Variants in MAGI2 observed in about 807,000 individuals in gnomAD.
MAGI2 encodes membrane associated guanylate kinase, WW and PDZ domain containing 2.
Under a neutral mutation model 133.3 loss-of-function variants are expected in MAGI2, and 35 were observed. The ratio of observed to expected loss-of-function variants is 0.26; its 90% CI spans 0.20 to 0.35. The LOEUF is 0.35. Ranked by LOEUF, MAGI2 falls within the 10% of genes least tolerant of loss-of-function variation. MAGI2 has a pLI of 1.00. For missense variants in MAGI2, 1,636 were observed against 1,863.4 expected, an observed-to-expected ratio of 0.88 and a Z score of 2.25; for synonymous variants, 729 against 710.6, an observed-to-expected ratio of 1.03 and a Z score of -0.41.
rs1584936902 is a variant in MAGI2, at chr7:78,341,486, A to G, written c.1408+2292T>C. Reference sequence around the variant, plus strand: ...TAAACTTTATATGGAACCAAAAAAGAGCCCACATTGCTAAGACAATCCTAA... The same window carrying G: ...TAAACTTTATATGGAACCAAAAAAGGGCCCACATTGCTAAGACAATCCTAA... On this transcript the variant is annotated intron_variant, in intron 9 of 21. Transcript: ENST00000354212. Among the ~76,000 whole-genome samples the G allele has an allele frequency of 2.0e-5, 3 of 152,230 alleles. No homozygotes were observed. In the South Asian group the frequency reaches 6.2e-4, roughly 31 times the overall value.
At chr7:78,379,140 T>TA (rs1330282614) in intron 6 of MAGI2, among the ~76,000 whole-genome samples, 4 of 151,184 alleles carry the variant, frequency 2.6e-5, no homozygotes, top group Non-Finnish European at 5.9e-5. Context: ...CAGAAATAAA[T>TA]AAAAAAGAAT....
intron 6 of MAGI2, among the ~76,000 whole-genome samples, chr7:78,430,140 T>G (rs1584072660): frequency 6.6e-6 from 1 of 152,088 alleles, no homozygotes. Context: ...CCTGAGATTC[T>G]GCATTTTTAA....
intron 20 of MAGI2, among the ~76,000 whole-genome samples, chr7:78,100,754 A>C (rs1818140191): frequency 6.6e-6 from 1 of 152,222 alleles, no homozygotes; most frequent in Non-Finnish European, 1.5e-5. Flanking sequence ...GAAAGGAAGA[A>C]GTAAAATTGT....
intron 3 of MAGI2, among the ~76,000 whole-genome samples, chr7:78,540,551 A>G (rs1584554173): frequency 6.6e-6 from 1 of 152,042 alleles, no homozygotes; most frequent in African/African-American, 2.4e-5. Flanking sequence ...GCCCCTCCCC[A>G]CCTGCCATGA....
intron 14 of MAGI2, among the ~76,000 whole-genome samples, chr7:78,176,884 T>C (rs1191706951): frequency 7.2e-6 from 1 of 137,998 alleles, no homozygotes. Flanking sequence ...GTAGTACATA[T>C]AGTATATTTA....
intron 21 of MAGI2, among the ~76,000 whole-genome samples, chr7:78,021,673 A>ATGT (rs1309416116): frequency 6.6e-6 from 1 of 152,214 alleles, no homozygotes; most frequent in Non-Finnish European, 1.5e-5. Context: ...TTTGGGCATA[A>ATGT]TGTTAACCTT....
rs1022161399 is a variant in MAGI2, at chr7:78,651,227, G to A, written c.419-23988C>T. 4.6e-5 allele frequency among the ~76,000 whole-genome samples: 7 copies of A among 152,084 alleles called. No homozygotes were observed. In the East Asian group the frequency reaches 5.8e-4, roughly 13 times the overall value. ...AATACAGACCCTCCAGCCTCTTGGT[G>A]AACACTTTAAGTTGCTTTCTGATAA... On this transcript the variant is annotated intron_variant, in intron 2 of 21. Coordinates refer to ENST00000354212, the MANE Select transcript of MAGI2 (RefSeq NM_012301.4).
intron 1 of MAGI2, among the ~76,000 whole-genome samples, chr7:79,232,040 A>G (rs1035743543): frequency 6.6e-6 from 1 of 152,174 alleles, no homozygotes; most frequent in South Asian, 2.1e-4. Flanking sequence ...TTCTGCATCT[A>G]TTGAGATAAT....
intron 1 of MAGI2, among the ~76,000 whole-genome samples, chr7:79,228,354 C>CATAAAAAAAAAAAAAAAAAAAAAAA (rs1831046447): frequency 3.2e-5 from 1 of 31,438 alleles, no homozygotes; most frequent in Non-Finnish European, 7.9e-5. Flanking sequence ...AAAAAACAGG[C>CATAAAAAAAAAAAAAAAAAAAAAAA]AAAAAAAAAA....
chr7:78,763,956 C>G (rs1047480664), intron 2 of MAGI2, among the ~76,000 whole-genome samples: 8 of 152,122 alleles, frequency 5.3e-5, no homozygotes, highest in African/African-American at 1.9e-4. Flanking sequence ...GGGTTCTCAA[C>G]AGAGAACCTT....
At chr7:78,584,421 G>GAAA (rs57844382) in intron 3 of MAGI2, among the ~76,000 whole-genome samples, 7 of 83,936 alleles carry the variant, frequency 8.3e-5, no homozygotes, top group Admixed American at 1.4e-4. Flanking sequence ...CTCCGTCTCA[G>GAAA]AAAAAAAAAA....
intron 9 of MAGI2, among the ~76,000 whole-genome samples, chr7:78,330,615 C>CA (rs4024122): frequency 0.18 from 1,267 of 6,924 alleles, 444 homozygotes; most frequent in Admixed American, 0.26. Context: ...GACTCCGTCT[C>CA]AAAAAAAAAA....
intron 1 of MAGI2, among the ~76,000 whole-genome samples, chr7:79,323,451 A>G (rs1839355415): frequency 6.6e-6 from 1 of 152,120 alleles, no homozygotes; most frequent in East Asian, 1.9e-4. Flanking sequence ...GCGAGGGCAG[A>G]GTGTTCTAGT....
chr7:79,433,300 C>T (rs1847903058), intron 1 of MAGI2, among the ~76,000 whole-genome samples: 1 of 151,964 alleles, frequency 6.6e-6, no homozygotes, highest in South Asian at 2.1e-4. Flanking sequence ...GCCTGTAATC[C>T]CAGCACTTTG....
intron 2 of MAGI2, among the ~76,000 whole-genome samples, chr7:78,936,166 A>G (rs1800498942): frequency 6.6e-6 from 1 of 152,108 alleles, no homozygotes; most frequent in African/African-American, 2.4e-5. Context: ...GAAAATGAAA[A>G]CAAAGCAAAT....
intron 1 of MAGI2, among the ~76,000 whole-genome samples, chr7:79,184,828 T>G (rs1187868872): frequency 1.3e-5 from 2 of 151,794 alleles, no homozygotes; most frequent in African/African-American, 4.8e-5. Flanking sequence ...CTTTTGAGTC[T>G]TTAAAAAAAT....
At chr7:78,512,492 G>A (rs1449693632) in intron 4 of MAGI2, among the ~76,000 whole-genome samples, 1 of 152,134 alleles carries the variant, frequency 6.6e-6, no homozygotes, top group Non-Finnish European at 1.5e-5. Flanking sequence ...TGCAACCTCC[G>A]CCTCCCGGGT....
chr7:78,254,305 T>G (rs1303947145), intron 10 of MAGI2: 2 of 152,224 alleles, frequency 1.3e-5, no homozygotes, highest in Non-Finnish European at 2.9e-5. Context: ...CCAAATTTGT[T>G]TCTATGAATC....
chr7:78,676,242 C>G (rs185564707), intron 2 of MAGI2, among the ~76,000 whole-genome samples: 1 of 152,024 alleles, frequency 6.6e-6, no homozygotes, highest in East Asian at 1.9e-4. Context: ...AAACATAAAG[C>G]TAAATGAACT....
Sources: gnomAD v4.1 joint callset for allele counts (sites outside exome capture counted in the v4.1 genomes callset) on GRCh38, gnomAD v4.1.1 for gene constraint, MANE v1.5 for transcripts, NCBI Gene and HGNC (gene_info 2026-07-23, HGNC 2026-07-21) for gene names.